The following TIAM1 variants were observed in gnomAD, a reference collection of about 807,000 sequenced individuals.
TIAM1 encodes the protein rho guanine nucleotide exchange factor TIAM1.
Under a neutral mutation model 163.5 loss-of-function variants are expected in TIAM1, and 65 were observed. The ratio of observed to expected loss-of-function variants is 0.40; its 90% confidence interval spans 0.33 to 0.49. The LOEUF is 0.49. TIAM1 is among the 20% of genes least tolerant of loss of function. TIAM1 has a pLI of 0.77. For synonymous variants in TIAM1, 833 were observed against 810.1 expected (o/e 1.03, Z -0.48); for missense variants, 1,789 against 2,044.7 (o/e 0.87, Z 2.41).
chr21:31,489,156 G>A (rs2046371843), intron 1 of TIAM1, among the ~76,000 whole-genome samples: 1 of 108,358 alleles, frequency 9.2e-6, no homozygotes, highest in Non-Finnish European at 1.9e-5. Flanking sequence ...GAATGCTTGA[G>A]TCTAGGAGTT....
At chr21:31,542,049 G>A (rs537932318) in intron 1 of TIAM1, among the ~76,000 whole-genome samples, 1 of 152,266 alleles carries the variant, frequency 6.6e-6, no homozygotes, top group South Asian at 2.1e-4. Context: ...TGAAGACTAT[G>A]CCCTCAACCC....
In TIAM1 at chr21:31,266,598, G is replaced by A. The variant is rs2072785560; in HGVS notation, c.375C>T (p.Ser125=). 1 of 1,614,242 alleles carries A rather than the reference G, an allele frequency of 6.2e-7. No individual in the cohort carries two copies. The highest frequency in any genetic ancestry group is 1.3e-5 in the African/African-American group (1 of 75,074). ...GCCTGCTCTCCTCAGTGTCTGGCATGCTCTGCACAGAGGCTGCTGTGAGGA... is the reference window on the plus strand; with the variant it reads ...GCCTGCTCTCCTCAGTGTCTGGCATACTCTGCACAGAGGCTGCTGTGAGGA... ...SIVLTAASVQ[S]MPDTEESRLY... The change falls in exon 4 of 28, where the codon AGC becomes AGT. Residue 125 remains serine (S), a synonymous_variant. Transcript: ENST00000541036.
rs1427288418 is a variant in TIAM1, at chr21:31,404,643, C to T, written c.-369+59340G>A. On this transcript the variant is annotated intron_variant, in intron 2 of 28. Coordinates refer to the TIAM1 transcript ENST00000286827. ...TCAGCCTCCTGAGTAGCTGGGATTA[C>T]AGACTTGAGCTACCACTTCCACCTA... Among the ~76,000 whole-genome samples the T allele has an allele frequency of 1.8e-4, 27 of 151,490 alleles. 1 individual carries two copies. Among genetic ancestry groups the T allele is most frequent in the Admixed American group, 1.8e-3 (27 of 15,180 alleles).
At chr21:31,162,024 A>C (rs2083951105) in intron 16 of TIAM1, among the ~76,000 whole-genome samples, 1 of 152,216 alleles carries the variant, frequency 6.6e-6, no homozygotes, top group Admixed American at 6.5e-5. Context: ...ACCACTAATA[A>C]ATTAATTCCT....
intron 2 of TIAM1, among the ~76,000 whole-genome samples, chr21:31,435,635 C>A (rs1179854406): frequency 6.6e-6 from 1 of 152,168 alleles, no homozygotes. Flanking sequence ...TGTTTCTTGG[C>A]CCCACTTTGG....
chr21:31,510,224 T>C (rs1040913378), intron 1 of TIAM1, among the ~76,000 whole-genome samples: 3 of 152,154 alleles, frequency 2.0e-5, no homozygotes, highest in African/African-American at 4.8e-5. Context: ...AGCAGGGTGG[T>C]TTCTCCTGAG....
chr21:31,433,639 T>C (rs1222000929), intron 2 of TIAM1, among the ~76,000 whole-genome samples: 2 of 152,152 alleles, frequency 1.3e-5, no homozygotes, highest in Non-Finnish European at 2.9e-5. Context: ...GGCTGAGAGA[T>C]TTTAATTATC....
At chr21:31,549,122 G>T (rs2048597699) in intron 1 of TIAM1, among the ~76,000 whole-genome samples, 1 of 152,160 alleles carries the variant, frequency 6.6e-6, no homozygotes, top group Non-Finnish European at 1.5e-5. Context: ...GAGTGATTCA[G>T]AGTTTTTTTA....
At chr21:31,285,879 T>C (rs772408065) in intron 2 of TIAM1, among the ~76,000 whole-genome samples, 8 of 151,998 alleles carry the variant, frequency 5.3e-5, no homozygotes, top group Non-Finnish European at 1.0e-4. Flanking sequence ...ATTAATTAAT[T>C]AATCAATTAA....
chr21:31,506,010 C>CAAAA (rs141958932), intron 1 of TIAM1, among the ~76,000 whole-genome samples: 4 of 84,156 alleles, frequency 4.8e-5, no homozygotes, highest in African/African-American at 9.8e-5. Context: ...GACTCTGCCT[C>CAAAA]AAAAAAAAAA....
intron 2 of TIAM1, among the ~76,000 whole-genome samples, chr21:31,337,774 C>A (rs1457291274): frequency 6.6e-6 from 1 of 152,018 alleles, no homozygotes; most frequent in East Asian, 1.9e-4. Context: ...AAGTAATCCG[C>A]CCACCTCGGC....
At chr21:31,186,344 G>C (rs749216298) in intron 14 of TIAM1, among the ~76,000 whole-genome samples, 3 of 152,184 alleles carry the variant, frequency 2.0e-5, no homozygotes. Flanking sequence ...GCCAATGTCA[G>C]CTTTGACCAG....
intron 2 of TIAM1, among the ~76,000 whole-genome samples, chr21:31,402,505 C>A (rs2077182242): frequency 6.6e-6 from 1 of 152,178 alleles, no homozygotes; most frequent in Non-Finnish European, 1.5e-5. Context: ...AAGGCCCGCA[C>A]AACCCTGGCC....
intron 8 of TIAM1, 104 bp from the exon 9 acceptor site, chr21:31,217,803 T>C: frequency 7.0e-7 from 1 of 1,428,480 alleles, no homozygotes; most frequent in Non-Finnish European, 9.4e-7. Flanking sequence ...CCCTCCTCCA[T>C]CATGCCAGCC....
intron 11 of TIAM1, among the ~76,000 whole-genome samples, chr21:31,208,607 AT>A: frequency 6.6e-6 from 1 of 152,334 alleles, no homozygotes; most frequent in African/African-American, 2.4e-5. Flanking sequence ...GATACCATTT[AT>A]TTTTAGCATC....
At chr21:31,454,656 T>C (rs561161874) in intron 2 of TIAM1, among the ~76,000 whole-genome samples, 2 of 152,132 alleles carry the variant, frequency 1.3e-5, no homozygotes, top group South Asian at 2.1e-4. Context: ...GACATAGAGA[T>C]TGGTTACAAA....
chr21:31,412,933 G>A (rs993577804), intron 2 of TIAM1, among the ~76,000 whole-genome samples: 3 of 151,962 alleles, frequency 2.0e-5, no homozygotes, highest in Admixed American at 6.6e-5. Context: ...CTCACAGGCC[G>A]CATACCTCCT....
At chr21:31,213,728 T>C (rs966354735) in intron 9 of TIAM1, among the ~76,000 whole-genome samples, 1 of 151,972 alleles carries the variant, frequency 6.6e-6, no homozygotes, top group African/African-American at 2.4e-5. Flanking sequence ...GGATAATTCA[T>C]CTCTACTTAA....
chr21:31,243,209 A>AAAAAAAAAAT (rs59419171), intron 6 of TIAM1, among the ~76,000 whole-genome samples: 1 of 117,282 alleles, frequency 8.5e-6, no homozygotes, highest in African/African-American at 3.7e-5. Flanking sequence ...AAAAAAAAAA[A>AAAAAAAAAAT]ATATATATAT....
Sources: gnomAD v4.1 joint callset for allele counts (sites outside exome capture counted in the v4.1 genomes callset) on GRCh38, gnomAD v4.1.1 for gene constraint, MANE v1.5 for transcripts, NCBI Gene and HGNC (gene_info 2026-07-23, HGNC 2026-07-21) for gene names.